Variants in ADGRD1 observed in about 807,000 individuals in gnomAD.
The protein encoded by ADGRD1 is adhesion G protein-coupled receptor D1.
A neutral mutation model predicts 113.4 loss-of-function variants in ADGRD1; 77 were observed. The observed-to-expected ratio is 0.68, with a 90% CI of 0.57 to 0.82. The LOEUF (loss-of-function observed/expected upper bound fraction) is 0.82. ADGRD1 is among the 40% of genes least tolerant of loss of function. The pLI is 0.00. For missense variants in ADGRD1, 1,036 were observed against 1,139.1 expected (o/e 0.91, Z 1.30); for synonymous variants, 474 against 475.0 (o/e 1.00, Z 0.03).
chr12:131,082,548 C>T (rs1042992516), intron 14 of ADGRD1, among the ~76,000 whole-genome samples: 2 of 152,114 alleles, frequency 1.3e-5, no homozygotes, highest in Non-Finnish European at 2.9e-5. Flanking sequence ...CCCGTGGCTA[C>T]GTTCACCTAA....
intron 15 of ADGRD1, among the ~76,000 whole-genome samples, chr12:131,091,088 A>G (rs1258371229): frequency 6.6e-6 from 1 of 152,094 alleles, no homozygotes; most frequent in African/African-American, 2.4e-5. Context: ...TCCACTCCCC[A>G]GGCCTGATTT....
intron 21 of ADGRD1, among the ~76,000 whole-genome samples, chr12:131,132,528 ACC>A (rs1950961751): frequency 3.2e-5 from 3 of 93,286 alleles, no homozygotes; most frequent in African/African-American, 5.8e-5. Context: ...CAGTTGCAGC[ACC>A]GGGCCCAGCT....
rs774533366 is a variant in ADGRD1, at chr12:131,137,048, G to T, written c.2436+34G>T. 2.5e-6 allele frequency: 4 copies of T among 1,579,384 alleles called. No individual in the cohort carries two copies. In the South Asian group the frequency reaches 4.4e-5, roughly 17 times the overall value. On this transcript the variant is annotated intron_variant, in intron 23 of 24. Transcript: ENST00000261654. ...GCTCTGCTTGCTGGCAGGTGCAGGT[G>T]CAGCTGGCTTTTCCTTTCCGAAAGG... is the stretch of plus-strand genomic sequence containing the variant.
intron 21 of ADGRD1, among the ~76,000 whole-genome samples, chr12:131,134,265 A>G (rs1951013773): frequency 6.6e-6 from 1 of 152,174 alleles, no homozygotes; most frequent in South Asian, 2.1e-4. Flanking sequence ...AGGGGGTCAT[A>G]GATCAGAGAG....
At chr12:130,957,754 C>T (rs1469313930) in intron 2 of ADGRD1, 1 of 152,200 alleles carries the variant, frequency 6.6e-6, no homozygotes, top group Non-Finnish European at 1.5e-5. Context: ...ATGCTGATGA[C>T]AGTAGAAAGG....
intron 15 of ADGRD1, among the ~76,000 whole-genome samples, chr12:131,102,897 G>C (rs1346447635): frequency 1.3e-5 from 2 of 152,222 alleles, no homozygotes; most frequent in African/African-American, 4.8e-5. Flanking sequence ...ACAAGAACAA[G>C]AAACCGCAGC....
At chr12:131,103,966 G>A (rs1950161808) in intron 15 of ADGRD1, among the ~76,000 whole-genome samples, 1 of 152,200 alleles carries the variant, frequency 6.6e-6, no homozygotes, top group Admixed American at 6.5e-5. Flanking sequence ...GGTCACATGT[G>A]TCTGAGCTTG....
chr12:131,045,789 G>A (rs965871807), intron 13 of ADGRD1, among the ~76,000 whole-genome samples: 3 of 152,178 alleles, frequency 2.0e-5, no homozygotes, highest in Non-Finnish European at 4.4e-5. Context: ...CGGCCAGCGA[G>A]GGAGCTGCCC....
intron 11 of ADGRD1, 92 bp downstream of exon 11, chr12:131,004,388 G>A: frequency 1.0e-6 from 1 of 957,586 alleles, no homozygotes; most frequent in East Asian, 2.6e-5. Context: ...CACCGCGCCA[G>A]GGAGCTGCGG....
At chr12:131,017,350 T>G (rs1878700433) in intron 13 of ADGRD1, among the ~76,000 whole-genome samples, 1 of 104,996 alleles carries the variant, frequency 9.5e-6, no homozygotes, top group Admixed American at 1.1e-4. Flanking sequence ...ACACACCCAG[T>G]CCACACACAC....
chr12:131,106,067 A>AGCTGCC (rs1286129425), intron 17 of ADGRD1, among the ~76,000 whole-genome samples: 1 of 152,054 alleles, frequency 6.6e-6, no homozygotes, highest in Non-Finnish European at 1.5e-5. Context: ...CCTCGGGTAA[A>AGCTGCC]GCTGCCGCTG....
intron 4 of ADGRD1, chr12:130,978,573 G>A (rs1872595383): frequency 6.6e-6 from 1 of 152,118 alleles, no homozygotes; most frequent in South Asian, 2.1e-4. Context: ...CTATGAAGAC[G>A]TGAATTGATA....
intron 18 of ADGRD1, among the ~76,000 whole-genome samples, chr12:131,117,441 C>T (rs928448087): frequency 2.6e-5 from 4 of 152,138 alleles, no homozygotes; most frequent in East Asian, 1.9e-4. Flanking sequence ...TTTCTTTTTC[C>T]GTCTCTCAGA....
intron 13 of ADGRD1, among the ~76,000 whole-genome samples, chr12:131,038,831 C>A (rs1465642884): frequency 1.3e-5 from 2 of 152,222 alleles, no homozygotes; most frequent in African/African-American, 4.8e-5. Flanking sequence ...CTGATTTTCC[C>A]AGAAGAACTG....
intron 8 of ADGRD1, among the ~76,000 whole-genome samples, chr12:130,999,151 G>A (rs1876007251): frequency 6.6e-6 from 1 of 152,222 alleles, no homozygotes; most frequent in Non-Finnish European, 1.5e-5. Context: ...GACTGCTCTG[G>A]ATCAAGAGTC....
At chr12:131,026,341 G>GC (rs909014978) in intron 13 of ADGRD1, 1 of 152,132 alleles carries the variant, frequency 6.6e-6, no homozygotes, top group Non-Finnish European at 1.5e-5. Flanking sequence ...TTTAATGTCT[G>GC]CGGGGGGGCG....
Position 131,003,223 on chromosome 12 carries a change from C to T in ADGRD1, c.1065C>T (p.Asp355=). The T allele has an allele frequency of 6.2e-7, 1 of 1,614,112 alleles. No individual in the cohort carries two copies. Among genetic ancestry groups the T allele is most frequent in the South Asian group, 1.1e-5 (1 of 91,080 alleles). The change falls in exon 10 of 25, where the codon GAC becomes GAT. Residue 355 remains aspartate, a synonymous_variant. Transcript: ENST00000261654. This position sits in a 1 kb window ranked among gnomAD's most constrained non-coding sequence, Gnocchi z 4.8. ...TACTGAGTCTCATCGACACTATTGA[C>T]ACCGTCATGGGCCATGTATCCTCCA... ...AVVLSLIDTI[D]TVMGHVSSNL...
At chr12:131,110,341 T>A (rs963005741) in intron 18 of ADGRD1, among the ~76,000 whole-genome samples, 1 of 129,586 alleles carries the variant, frequency 7.7e-6, no homozygotes, top group Non-Finnish European at 1.7e-5. Context: ...TTAATTCTCT[T>A]AATGATTTTT....
chr12:131,108,944 C>T, intron 18 of ADGRD1, 67 bp downstream of exon 18: 1 of 668,624 alleles, frequency 1.5e-6, no homozygotes, highest in Non-Finnish European at 2.2e-6. Context: ...GGGGATGGGG[C>T]AGGTAGGACA....
Sources: gnomAD v4.1 joint callset for allele counts (sites outside exome capture counted in the v4.1 genomes callset) on GRCh38, gnomAD v4.1.1 for gene constraint, Gnocchi (gnomAD v3.1) non-coding constraint, MANE v1.5 for transcripts, NCBI Gene and HGNC (gene_info 2026-07-23, HGNC 2026-07-21) for gene names.